Variants in SFMBT2 observed in about 807,000 individuals in gnomAD.
SFMBT2 encodes scm-like with four MBT domains protein 2.
SFMBT2 carries 38 observed loss-of-function variants against 110.1 expected under a neutral mutation model. That is an observed-to-expected ratio of 0.35 (90% CI 0.27 to 0.45). SFMBT2 has a LOEUF of 0.45. SFMBT2 is among the 20% of genes least tolerant of loss of function. The probability of loss-of-function intolerance (pLI) is 1.00; values close to 1 mark genes in which losing one functional copy is unlikely to be tolerated. For missense variants in SFMBT2, 1,011 were observed against 1,094.9 expected (o/e 0.92, Z 1.08); for synonymous variants, 425 against 425.4 (o/e 1.00, Z 0.01).
chr10:7,274,792 C>T (rs1407298270), intron 7 of SFMBT2, among the ~76,000 whole-genome samples: 1 of 151,826 alleles, frequency 6.6e-6, no homozygotes, highest in African/African-American at 2.4e-5. Context: ...GAGTTTGACA[C>T]TACAGCGAGC....
intron 4 of SFMBT2, among the ~76,000 whole-genome samples, chr10:7,299,624 C>T (rs1051312351): frequency 1.1e-4 from 16 of 152,244 alleles, no homozygotes; most frequent in Admixed American, 2.0e-4. Context: ...AACGCTTTTA[C>T]GCTGTTGGTG....
intron 1 of SFMBT2, among the ~76,000 whole-genome samples, chr10:7,393,019 ATATATATATATATATAAT>A (rs1564473077): frequency 8.2e-5 from 6 of 73,310 alleles, no homozygotes; most frequent in Admixed American, 3.5e-4. Flanking sequence ...ATATATATAT[ATATATATATATATATAAT>A]TTTTTTTTTT....
intron 1 of SFMBT2, among the ~76,000 whole-genome samples, chr10:7,398,479 A>G (rs1422398053): frequency 6.6e-6 from 1 of 152,250 alleles, no homozygotes; most frequent in East Asian, 1.9e-4. Flanking sequence ...ATACTACAAC[A>G]CAACAGGTCT....
At chr10:7,350,198 T>C (rs932930813) in intron 4 of SFMBT2, among the ~76,000 whole-genome samples, 1 of 152,004 alleles carries the variant, frequency 6.6e-6, no homozygotes, top group African/African-American at 2.4e-5. Context: ...TAGATTTTTT[T>C]TTTTTCCATG....
At position 7,288,994 on chromosome 10, in the gene SFMBT2, GA is replaced by G. The variant is rs755344696; in HGVS notation, c.437-3041del. Reference sequence around the variant, plus strand: ...GGCGACAGAGCGAGACACTGTCTCAGAAAAAAAAAAAAAAACTAGAAACAGC... The same window carrying G: ...GGCGACAGAGCGAGACACTGTCTCAGAAAAAAAAAAAAAACTAGAAACAGC... On this transcript the variant is annotated intron_variant, in intron 4 of 20. Transcript: ENST00000397167. 1.9e-3 allele frequency among the ~76,000 whole-genome samples: 242 copies of G among 128,562 alleles called. 1 individual carries two copies. Among genetic ancestry groups the G allele is most frequent in the African/African-American group, 5.1e-3 (179 of 35,274 alleles). 84.3% of individuals were successfully genotyped at this position (128,562 alleles called of 152,430 possible). A position where few individuals can be genotyped will look rare whatever the true frequency, so the allele number is the denominator to read the frequency against.
intron 14 of SFMBT2, 32 bp downstream of exon 14, chr10:7,200,382 G>A (rs745619366): frequency 6.6e-7 from 1 of 1,519,114 alleles, no homozygotes; most frequent in Non-Finnish European, 8.9e-7. Context: ...ACGGTGGGAA[G>A]GCACAGAGAC....
intron 7 of SFMBT2, among the ~76,000 whole-genome samples, chr10:7,251,901 AC>A (rs1186499733): frequency 6.6e-6 from 1 of 151,922 alleles, no homozygotes; most frequent in African/African-American, 2.4e-5. Flanking sequence ...TGCCTCTATC[AC>A]CCCGGCTTTC....
intron 4 of SFMBT2, among the ~76,000 whole-genome samples, chr10:7,327,674 C>G (rs993728607): frequency 2.1e-5 from 3 of 146,126 alleles, no homozygotes; most frequent in Non-Finnish European, 4.5e-5. Context: ...GAGCGAGACT[C>G]TAACTCAAAA....
rs188183469 is a variant in SFMBT2, at chr10:7,249,270, T to C, written c.871-621A>G. Reference sequence around the variant, plus strand: ...AAGGTGAGCAACACCCCATTCCTAATAGGGGTCTGGCAGTTTTATAACCTG... The same window carrying C: ...AAGGTGAGCAACACCCCATTCCTAACAGGGGTCTGGCAGTTTTATAACCTG... On this transcript the variant is annotated intron_variant, in intron 7 of 20. Transcript: ENST00000397167. 31 of 171,474 alleles carry C rather than the reference T, an allele frequency of 1.8e-4. 2 individuals carry two copies. Among genetic ancestry groups the C allele is most frequent in the African/African-American group, 7.2e-4 (30 of 41,874 alleles). The allele number at this position is 171,474 out of a possible 1,614,324, so 10.6% of individuals were successfully genotyped here. A position where few individuals can be genotyped will look rare whatever the true frequency, so the allele number is the denominator to read the frequency against.
chr10:7,160,748 C>A lies in SFMBT2; in HGVS notation c.*3022G>T, dbSNP rs909558677. 1 of 152,208 alleles carries A rather than the reference C, an allele frequency of 6.6e-6. No homozygotes were observed. The highest frequency in any genetic ancestry group is 2.4e-5 in the African/African-American group (1 of 41,434). The allele number at this position is 152,208 out of a possible 1,614,324, so 9.4% of individuals were successfully genotyped here. A position where few individuals can be genotyped will look rare whatever the true frequency, so the allele number is the denominator to read the frequency against. On this transcript the variant is annotated 3_prime_UTR_variant, in exon 21 of 21. Coordinates refer to ENST00000397167, the MANE Select transcript of SFMBT2 (RefSeq NM_001387889.1). ...AAATTGGCCCTACCTTTAAGACAGA[C>A]GCTGGTGAGAGGTGAATCCTACAGA...
intron 16 of SFMBT2, among the ~76,000 whole-genome samples, chr10:7,180,934 C>T (rs147277869): frequency 5.9e-5 from 9 of 152,236 alleles, no homozygotes; most frequent in African/African-American, 2.2e-4. Context: ...GGAATTGGAG[C>T]CTACGTTCCA....
intron 7 of SFMBT2, among the ~76,000 whole-genome samples, chr10:7,263,483 C>A (rs904256522): frequency 6.6e-6 from 1 of 152,200 alleles, no homozygotes; most frequent in Non-Finnish European, 1.5e-5. Context: ...CTCAGGTGAT[C>A]CACCCGCCTT....
At chr10:7,334,187 G>A (rs994619860) in intron 4 of SFMBT2, among the ~76,000 whole-genome samples, 2 of 152,036 alleles carry the variant, frequency 1.3e-5, no homozygotes, top group Admixed American at 6.6e-5. Context: ...ATCCACAGCC[G>A]GCCTGGCCGC....
intron 4 of SFMBT2, among the ~76,000 whole-genome samples, chr10:7,328,663 C>T (rs1843468342): frequency 6.6e-6 from 1 of 152,084 alleles, no homozygotes. Context: ...CATGGCTGTC[C>T]CACTGTAGGA....
Position 7,172,728 on chromosome 10 carries a change from G to T in SFMBT2, c.1985-67C>A. ...CACACAGACATGAACAGAGAGAGGAGAGAGAAAGAAGGGAAACGATTCTTT... is the reference window on the plus strand; with the variant it reads ...CACACAGACATGAACAGAGAGAGGATAGAGAAAGAAGGGAAACGATTCTTT... On this transcript the variant is annotated intron_variant, in intron 17 of 20. Coordinates refer to ENST00000397167, the MANE Select transcript of SFMBT2 (RefSeq NM_001387889.1). The surrounding 1 kb of genome is among the most constrained non-coding windows in gnomAD (Gnocchi z 4.6). The T allele has an allele frequency of 6.6e-7, 1 of 1,507,042 alleles. No homozygotes were observed. Among genetic ancestry groups the T allele is most frequent in the South Asian group, 1.3e-5 (1 of 78,174 alleles). 93.4% of individuals were successfully genotyped at this position (1,507,042 alleles called of 1,614,324 possible). A position where few individuals can be genotyped will look rare whatever the true frequency, so the allele number is the denominator to read the frequency against.
chr10:7,179,400 A>G (rs1447955339), intron 16 of SFMBT2, among the ~76,000 whole-genome samples: 1 of 150,356 alleles, frequency 6.7e-6, no homozygotes, highest in African/African-American at 2.4e-5. Context: ...CGAAAAAAAA[A>G]AAAAAAAAAA....
chr10:7,393,757 C>A (rs145982416), intron 1 of SFMBT2, among the ~76,000 whole-genome samples: 1 of 152,270 alleles, frequency 6.6e-6, no homozygotes. Context: ...TCCAACTACA[C>A]GGTGGAAGGG....
chr10:7,388,346 A>G (rs143071631), intron 1 of SFMBT2, among the ~76,000 whole-genome samples: 3,373 of 151,130 alleles, frequency 0.022, 50 homozygotes, highest in Middle Eastern at 0.054. Context: ...GATGATGATG[A>G]TGATGATGAT....
chr10:7,264,241 T>C (rs1564411435), intron 7 of SFMBT2: 1 of 244,044 alleles, frequency 4.1e-6, no homozygotes, highest in Non-Finnish European at 6.6e-6. Flanking sequence ...CCATTTCAGG[T>C]ACAGTTTCAG....
Sources: gnomAD v4.1 joint callset for allele counts (sites outside exome capture counted in the v4.1 genomes callset) on GRCh38, gnomAD v4.1.1 for gene constraint, Gnocchi (gnomAD v3.1) non-coding constraint, MANE v1.5 for transcripts, NCBI Gene and HGNC (gene_info 2026-07-23, HGNC 2026-07-21) for gene names.